BBX: variants seen among roughly 807,000 people sequenced by gnomAD.
BBX encodes BBX high mobility group box domain containing.
A neutral mutation model predicts 100.2 loss-of-function variants in BBX; 30 were observed. The ratio of observed to expected loss-of-function variants is 0.30; its 90% confidence interval spans 0.22 to 0.41. BBX has a LOEUF of 0.41. BBX is among the 10% of genes least tolerant of loss of function. The pLI is 1.00. For missense variants in BBX, 1,023 were observed against 1,129.8 expected (o/e 0.91, Z 1.35); for synonymous variants, 376 against 388.1 (o/e 0.97, Z 0.37).
At chr3:107,628,575 G>C (rs917900139) in intron 2 of BBX, among the ~76,000 whole-genome samples, 1 of 151,766 alleles carries the variant, frequency 6.6e-6, no homozygotes, top group African/African-American at 2.4e-5. Flanking sequence ...GATTCATTGA[G>C]ATTATTATTT....
chr3:107,612,579 A>T (rs904220211), intron 2 of BBX, among the ~76,000 whole-genome samples: 1 of 152,104 alleles, frequency 6.6e-6, no homozygotes, highest in African/African-American at 2.4e-5. Flanking sequence ...CTCTTTCCTT[A>T]CTTTCCCCCA....
rs371126502 is a variant in BBX, at chr3:107,805,850, CA to C, written c.*403del. On this transcript the variant is annotated 3_prime_UTR_variant, in exon 18 of 18. Coordinates refer to ENST00000325805, the MANE Select transcript of BBX (RefSeq NM_001142568.3). ...ACCTAGTTATTCTTTCAAAACAAAA[CA>C]AAAAAAAAACAAAAACTGACGCACT... 197 of 186,378 alleles carry C rather than the reference CA, an allele frequency of 1.1e-3. No individual in the cohort carries two copies. The highest frequency in any genetic ancestry group is 3.8e-3 in the Middle Eastern group (2 of 522). The allele number at this position is 186,378 out of a possible 1,614,324, so 11.5% of individuals were successfully genotyped here.
chr3:107,709,501 T>G (rs886828620), intron 3 of BBX, among the ~76,000 whole-genome samples: 1 of 152,246 alleles, frequency 6.6e-6, no homozygotes, highest in Non-Finnish European at 1.5e-5. Flanking sequence ...ACTGTACTTG[T>G]GTTTGTATTG....
At chr3:107,643,674 C>T (rs916625593) in intron 2 of BBX, among the ~76,000 whole-genome samples, 1 of 151,874 alleles carries the variant, frequency 6.6e-6, no homozygotes, top group Non-Finnish European at 1.5e-5. Context: ...GCATTTCCCC[C>T]TGCTGGCCCA....
chr3:107,606,345 G>A (rs1160908633), intron 2 of BBX, among the ~76,000 whole-genome samples: 1 of 152,180 alleles, frequency 6.6e-6, no homozygotes, highest in Non-Finnish European at 1.5e-5. Context: ...GTTTGCAATA[G>A]CAGATGTTTG....
intron 13 of BBX, among the ~76,000 whole-genome samples, chr3:107,782,943 G>A (rs1279360957): frequency 6.6e-6 from 1 of 152,032 alleles, no homozygotes; most frequent in Non-Finnish European, 1.5e-5. Flanking sequence ...GAACAGTTGT[G>A]AATATTTGTT....
Position 107,805,604 on chromosome 3 carries a change from A to C in BBX, c.*147A>C. The C allele has an allele frequency of 4.8e-6, 7 of 1,462,860 alleles. No individual in the cohort carries two copies. The South Asian group carries it at 7.8e-5, about 16-fold the overall frequency. The allele number at this position is 1,462,860 out of a possible 1,614,324, so 90.6% of individuals were successfully genotyped here. On this transcript the variant is annotated 3_prime_UTR_variant, in exon 18 of 18. Transcript: ENST00000325805. ...CACGGCCCAGATTCACTTGAAGCAG[A>C]AGTTAGCATCCTGGGCCAGTTTGTT... is the stretch of plus-strand genomic sequence containing the variant.
At chr3:107,559,465 T>C (rs1330323372) in intron 2 of BBX, among the ~76,000 whole-genome samples, 1 of 152,116 alleles carries the variant, frequency 6.6e-6, no homozygotes, top group Non-Finnish European at 1.5e-5. Context: ...GGGATACCAG[T>C]CCTTTTACAG....
chr3:107,723,770 A>G (rs1384271162), intron 5 of BBX, among the ~76,000 whole-genome samples: 2 of 152,132 alleles, frequency 1.3e-5, no homozygotes, highest in African/African-American at 4.8e-5. Flanking sequence ...ATAGTATTCC[A>G]TGGTGTATAT....
intron 13 of BBX, among the ~76,000 whole-genome samples, chr3:107,778,879 C>T (rs2067555822): frequency 6.6e-6 from 1 of 151,212 alleles, no homozygotes; most frequent in Non-Finnish European, 1.5e-5. Context: ...GTGTCCGCAA[C>T]AGGTTGAACT....
intron 2 of BBX, among the ~76,000 whole-genome samples, chr3:107,557,845 G>C (rs1216787119): frequency 6.6e-6 from 1 of 152,184 alleles, no homozygotes; most frequent in East Asian, 1.9e-4. Flanking sequence ...ACACAAAGTT[G>C]GCTAAGGGAT....
At chr3:107,689,240 T>C (rs980379161) in intron 3 of BBX, among the ~76,000 whole-genome samples, 1 of 152,226 alleles carries the variant, frequency 6.6e-6, no homozygotes, top group Non-Finnish European at 1.5e-5. Context: ...TACTTAAAAA[T>C]ATTTACAATA....
chr3:107,642,403 A>G (rs1261284615), intron 2 of BBX, among the ~76,000 whole-genome samples: 1 of 152,230 alleles, frequency 6.6e-6, no homozygotes, highest in Admixed American at 6.5e-5. Flanking sequence ...AAGTAGGAAA[A>G]GTCTCTTAAG....
intron 2 of BBX, among the ~76,000 whole-genome samples, chr3:107,531,283 A>G (rs1332562157): frequency 6.6e-6 from 1 of 152,154 alleles, no homozygotes; most frequent in Non-Finnish European, 1.5e-5. Context: ...GGTGTAGTAC[A>G]AGGAACAGAG....
intron 15 of BBX, among the ~76,000 whole-genome samples, chr3:107,794,656 C>T (rs1422866680): frequency 2.0e-5 from 3 of 152,146 alleles, no homozygotes; most frequent in Non-Finnish European, 4.4e-5. Flanking sequence ...AAGGCTCATT[C>T]GTTTCTTTTT....
At chr3:107,582,024 C>T (rs1175766106) in intron 2 of BBX, among the ~76,000 whole-genome samples, 11 of 151,752 alleles carry the variant, frequency 7.2e-5, no homozygotes, top group Middle Eastern at 3.4e-3. Flanking sequence ...GATTCTTTAA[C>T]GTTTTATTTT....
chr3:107,790,745 TC>T (rs1189861876), intron 14 of BBX, among the ~76,000 whole-genome samples: 1 of 152,184 alleles, frequency 6.6e-6, no homozygotes, highest in Admixed American at 6.5e-5. Context: ...TGTGAAGCAT[TC>T]CGTGTTTCTT....
intron 5 of BBX, among the ~76,000 whole-genome samples, chr3:107,722,308 A>C (rs550151111): frequency 7.9e-5 from 12 of 152,018 alleles, no homozygotes; most frequent in African/African-American, 2.9e-4. Context: ...TTGGTTTCAG[A>C]TGTTAATTTT....
intron 15 of BBX, among the ~76,000 whole-genome samples, chr3:107,796,130 A>G (rs889784718): frequency 4.6e-5 from 7 of 152,184 alleles, no homozygotes; most frequent in Admixed American, 3.9e-4. Context: ...ACAGAGGCCC[A>G]TGGTTGGTTG....
Sources: allele counts gnomAD v4.1 joint callset (sites outside exome capture counted in the v4.1 genomes callset), GRCh38; gene constraint gnomAD v4.1.1; transcripts MANE v1.5; gene names NCBI Gene and HGNC (gene_info 2026-07-23, HGNC 2026-07-21).